FGF10: variants seen among roughly 807,000 people sequenced by gnomAD.
FGF10 encodes the protein FGF-10.
A neutral mutation model predicts 19.8 loss-of-function variants in FGF10; 2 were observed. That is an observed-to-expected ratio of 0.10 (90% CI 0.04 to 0.32). The LOEUF (loss-of-function observed/expected upper bound fraction) is 0.32. Among genes scored for constraint, FGF10 ranks in the 10% least tolerant of loss-of-function variants. FGF10 has a pLI of 1.00. For missense variants in FGF10, 191 were observed against 246.3 expected (o/e 0.78, Z 1.50); for synonymous variants, 112 against 94.0 (o/e 1.19, Z -1.10).
rs573852323 is a variant in FGF10 at position 44,302,432 on chromosome 5, C to T, written c.*2563G>A. Among the ~76,000 whole-genome samples the T allele has an allele frequency of 6.6e-6, 1 of 152,128 alleles. No individual in the cohort carries two copies. Among genetic ancestry groups the T allele is most frequent in the East Asian group, 1.9e-4 (1 of 5,168 alleles). ...GGAGTGCAATGGCAAGATTATAGCTCACTGCAGCCTCAAACTCCTGGGCCC... is the reference window on the plus strand; with the variant it reads ...GGAGTGCAATGGCAAGATTATAGCTTACTGCAGCCTCAAACTCCTGGGCCC... On this transcript the variant is annotated 3_prime_UTR_variant, in exon 3 of 3. Transcript: ENST00000264664.
At position 44,302,193 on chromosome 5, in the gene FGF10, T is replaced by A. The variant is rs1739978287; in HGVS notation, c.*2802A>T. ...TTCAAGCAAATATGCCACTTTTAAA[T>A]GCAAGAGAATGTCATTACTCCTTAC... On this transcript the variant is annotated 3_prime_UTR_variant, in exon 3 of 3. Coordinates refer to ENST00000264664, the MANE Select transcript of FGF10 (RefSeq NM_004465.2). 6.6e-6 allele frequency among the ~76,000 whole-genome samples: 1 copy of A among 151,876 alleles called. No individual in the cohort carries two copies. Among genetic ancestry groups the A allele is most frequent in the African/African-American group, 2.4e-5 (1 of 41,360 alleles).
chr5:44,357,942 CATT>C (rs1741385173), intron 1 of FGF10, among the ~76,000 whole-genome samples: 1 of 151,402 alleles, frequency 6.6e-6, no homozygotes, highest in Non-Finnish European at 1.5e-5. Flanking sequence ...AAACCCACCA[CATT>C]ATAAGATGAT....
At chr5:44,386,751 T>A (rs914479219) in intron 1 of FGF10, among the ~76,000 whole-genome samples, 1 of 152,312 alleles carries the variant, frequency 6.6e-6, no homozygotes, top group Non-Finnish European at 1.5e-5. Flanking sequence ...TCTACACGTA[T>A]TTTTATTACT....
At chr5:44,333,297 A>T (rs1414582894) in intron 1 of FGF10, among the ~76,000 whole-genome samples, 2 of 152,130 alleles carry the variant, frequency 1.3e-5, no homozygotes, top group African/African-American at 2.4e-5. Flanking sequence ...GCATAGTGAG[A>T]TTTCTTCCCA....
chr5:44,386,808 G>T (rs896429717), intron 1 of FGF10, among the ~76,000 whole-genome samples: 6 of 152,160 alleles, frequency 3.9e-5, no homozygotes, highest in Admixed American at 1.3e-4. Flanking sequence ...TGGCTGAGGA[G>T]AAACAGAAGT....
At chr5:44,368,895 T>C (rs1561216897) in intron 1 of FGF10, among the ~76,000 whole-genome samples, 1 of 152,134 alleles carries the variant, frequency 6.6e-6, no homozygotes. Flanking sequence ...CTCAAATTCC[T>C]GGGCTGAAGC....
intron 1 of FGF10, among the ~76,000 whole-genome samples, chr5:44,363,721 C>T (rs1400573255): frequency 2.0e-5 from 3 of 151,856 alleles, no homozygotes; most frequent in African/African-American, 7.2e-5. Flanking sequence ...TAACTTTCAG[C>T]AACCTGGTAT....
At chr5:44,330,705 A>G (rs1395662782) in intron 1 of FGF10, among the ~76,000 whole-genome samples, 1 of 152,180 alleles carries the variant, frequency 6.6e-6, no homozygotes, top group Non-Finnish European at 1.5e-5. Context: ...AGCATATTAA[A>G]TGCTAGTGTT....
rs1374965 is a variant in FGF10 at position 44,355,584 on chromosome 5, T to A, written c.325+32774A>T. 1.2e-3 allele frequency among the ~76,000 whole-genome samples: 180 copies of A among 151,396 alleles called. 2 individuals are homozygous for A. Among genetic ancestry groups the A allele is most frequent in the Admixed American group, 6.4e-3 (97 of 15,152 alleles). On this transcript the variant is annotated intron_variant, in intron 1 of 2. Coordinates refer to ENST00000264664, the MANE Select transcript of FGF10 (RefSeq NM_004465.2). ...ACTAACAAACGTTTCAGACTCATAG[T>A]GCAAAACAAAGGAAGACTAATTGTT...
At chr5:44,378,851 C>T (rs1201144912) in intron 1 of FGF10, among the ~76,000 whole-genome samples, 1 of 152,166 alleles carries the variant, frequency 6.6e-6, no homozygotes, top group Admixed American at 6.5e-5. Flanking sequence ...GATGTTTCCC[C>T]TTGAAATAAG....
At chr5:44,368,870 G>C (rs1741680521) in intron 1 of FGF10, among the ~76,000 whole-genome samples, 1 of 152,000 alleles carries the variant, frequency 6.6e-6, no homozygotes, top group African/African-American at 2.4e-5. Context: ...GTCTCCTTAT[G>C]TTGTCCAGAC....
chr5:44,355,301 A>G (rs1374966), intron 1 of FGF10, among the ~76,000 whole-genome samples: 148,428 of 151,166 alleles, frequency 0.98, 72,939 homozygotes, highest in South Asian at 1. Flanking sequence ...TTCAAAAGGC[A>G]GTATATAAAG....
At chr5:44,361,230 C>A (rs1292722290) in intron 1 of FGF10, among the ~76,000 whole-genome samples, 1 of 151,706 alleles carries the variant, frequency 6.6e-6, no homozygotes. Flanking sequence ...TGCTGCCCCA[C>A]AGAAGCTCCT....
intron 1 of FGF10, among the ~76,000 whole-genome samples, chr5:44,356,718 TACTC>T (rs1037284603): frequency 6.6e-6 from 1 of 151,434 alleles, no homozygotes; most frequent in Non-Finnish European, 1.5e-5. Context: ...TGAAAAGTGT[TACTC>T]AAGAACATCA....
At chr5:44,328,481 G>A (rs1417918602) in intron 1 of FGF10, among the ~76,000 whole-genome samples, 8 of 152,100 alleles carry the variant, frequency 5.3e-5, no homozygotes, top group Non-Finnish European at 7.3e-5. Context: ...CTAATGGTCG[G>A]GCATGGTGGC....
chr5:44,362,699 T>C (rs974028054), intron 1 of FGF10, among the ~76,000 whole-genome samples: 3 of 151,690 alleles, frequency 2.0e-5, no homozygotes, highest in African/African-American at 7.3e-5. Context: ...GCTTCCCTCC[T>C]CTACTCAAAA....
chr5:44,373,784 T>G (rs1741796213), intron 1 of FGF10, among the ~76,000 whole-genome samples: 1 of 152,098 alleles, frequency 6.6e-6, no homozygotes, highest in Non-Finnish European at 1.5e-5. Flanking sequence ...CTTAGCACCT[T>G]TTATCCTCAT....
intron 1 of FGF10, among the ~76,000 whole-genome samples, chr5:44,355,206 C>T (rs577859347): frequency 2.0e-5 from 3 of 151,566 alleles, no homozygotes; most frequent in South Asian, 4.1e-4. Context: ...TAACCATTCT[C>T]TCCTGGACTT....
chr5:44,373,563 C>T lies in FGF10; in HGVS notation c.325+14795G>A, dbSNP rs144432371. 3.3e-5 allele frequency among the ~76,000 whole-genome samples: 5 copies of T among 152,174 alleles called. No individual in the cohort carries two copies. The East Asian group carries it at 5.8e-4, about 18-fold the overall frequency. On this transcript the variant is annotated intron_variant, in intron 1 of 2. Transcript: ENST00000264664. ...CTTACACGTTCTGTTTTTCATACAA[C>T]GTAGAACACAGTTCAGCTACATTTC...
Sources: gnomAD v4.1 joint callset for allele counts (sites outside exome capture counted in the v4.1 genomes callset) on GRCh38, gnomAD v4.1.1 for gene constraint, MANE v1.5 for transcripts, NCBI Gene and HGNC (gene_info 2026-07-23, HGNC 2026-07-21) for gene names.